The following COL21A1 variants were observed in gnomAD, a reference collection of about 807,000 sequenced individuals.
The protein encoded by COL21A1 is collagen alpha-1(XXI) chain.
Under a neutral mutation model 137.9 loss-of-function variants are expected in COL21A1, and 149 were observed. That is an observed-to-expected ratio of 1.08 (90% CI 0.95 to 1.24). The LOEUF (loss-of-function observed/expected upper bound fraction) is 1.24. Ranked by LOEUF, COL21A1 falls within the 50% of genes most tolerant of loss-of-function variation. COL21A1 has a pLI of 0.00. For missense variants in COL21A1, 1,167 were observed against 1,158.4 expected, an observed-to-expected ratio of 1.01 and a Z score of -0.11; for synonymous variants, 456 against 391.5, an observed-to-expected ratio of 1.16 and a Z score of -1.95.
chr6:56,341,146 A>C (rs926347624), intron 1 of COL21A1, among the ~76,000 whole-genome samples: 1 of 152,176 alleles, frequency 6.6e-6, no homozygotes, highest in Non-Finnish European at 1.5e-5. Flanking sequence ...CATGCTCCAG[A>C]AGAGAAGAGA....
intron 1 of COL21A1, among the ~76,000 whole-genome samples, chr6:56,306,368 C>T (rs1007719940): frequency 3.3e-5 from 5 of 151,684 alleles, no homozygotes; most frequent in African/African-American, 7.3e-5. Flanking sequence ...TCAGGTACAC[C>T]GATCAGACAT....
At chr6:56,274,788 A>G (rs1763604449) in intron 1 of COL21A1, among the ~76,000 whole-genome samples, 1 of 152,152 alleles carries the variant, frequency 6.6e-6, no homozygotes, top group Non-Finnish European at 1.5e-5. Flanking sequence ...TAAAATGGCC[A>G]TACTGTCCAA....
intron 1 of COL21A1, among the ~76,000 whole-genome samples, chr6:56,274,655 A>G (rs1225357479): frequency 2.6e-5 from 4 of 152,198 alleles, no homozygotes; most frequent in Admixed American, 2.6e-4. Context: ...CTAGGAATAC[A>G]GTTAACAATA....
rs545398127 is a variant in COL21A1 at position 56,148,153 on chromosome 6, A to G, written c.1435-6170T>C. ...ATATCTACTAACTATGCTAAAAATT[A>G]TATCAGCCTCTTAGGCAGCCACATT... is the stretch of plus-strand genomic sequence containing the variant. On this transcript the variant is annotated intron_variant, in intron 10 of 29. Transcript: ENST00000244728. 1.2e-3 allele frequency among the ~76,000 whole-genome samples: 187 copies of G among 152,248 alleles called. 2 individuals carry two copies. The highest frequency in any genetic ancestry group is 4.4e-4 in the Non-Finnish European group (30 of 68,010).
At chr6:56,159,356 G>A (rs529523667) in intron 9 of COL21A1, among the ~76,000 whole-genome samples, 21 of 137,348 alleles carry the variant, frequency 1.5e-4, no homozygotes, top group African/African-American at 5.4e-4. Flanking sequence ...TTTTTGAGAC[G>A]GAGTCTTGCT....
chr6:56,170,639 G>A lies in COL21A1; in HGVS notation c.1026+10C>T, dbSNP rs112946088. ...TATCATAATCATGGTATTATCCCAG[G>A]CATCTTTACCTTAACTTGAGGGTTA... On this transcript the variant is annotated intron_variant, in intron 5 of 29. Transcript: ENST00000244728. 1.2e-5 allele frequency: 18 copies of A among 1,556,696 alleles called. 1 individual carries two copies. The highest frequency in any genetic ancestry group is 3.4e-4 in the Middle Eastern group (2 of 5,856).
chr6:56,250,894 T>G (rs1286688422), upstream of COL21A1, among the ~76,000 whole-genome samples: 1 of 152,212 alleles, frequency 6.6e-6, no homozygotes, highest in Admixed American at 6.5e-5. Context: ...ATGTTTAAAT[T>G]TACAAACTAG....
At chr6:56,067,988 GA>G (rs1766409561) in intron 22 of COL21A1, among the ~76,000 whole-genome samples, 1 of 151,556 alleles carries the variant, frequency 6.6e-6, no homozygotes, top group African/African-American at 2.4e-5. Flanking sequence ...TCTAAACATA[GA>G]GTACAGTTTT....
At chr6:56,252,517 T>G (rs185453251), upstream of COL21A1, among the ~76,000 whole-genome samples, 645 of 152,226 alleles carry the variant, frequency 4.2e-3, 3 homozygotes, top group Non-Finnish European at 5.4e-3. Flanking sequence ...AAAATTAAGT[T>G]TTGAAAAAGA....
intron 1 of COL21A1, among the ~76,000 whole-genome samples, chr6:56,217,168 G>A (rs1006548357): frequency 6.6e-6 from 1 of 152,014 alleles, no homozygotes; most frequent in Admixed American, 6.6e-5. Flanking sequence ...AAAGTATATT[G>A]CTAGCTTTTT....
chr6:56,212,474 A>G (rs1292619224), intron 1 of COL21A1, among the ~76,000 whole-genome samples: 1 of 152,084 alleles, frequency 6.6e-6, no homozygotes, highest in African/African-American at 2.4e-5. Context: ...GAGAAATTCT[A>G]GTGTTAGACT....
At chr6:56,247,598 G>T (rs1197408563), upstream of COL21A1, 1 of 152,322 alleles carries the variant, frequency 6.6e-6, no homozygotes, top group Non-Finnish European at 1.5e-5. Context: ...TGGAGGCGGA[G>T]CCCGGGAGAT....
At chr6:56,198,527 T>G (rs1037265738) in intron 1 of COL21A1, among the ~76,000 whole-genome samples, 1 of 152,006 alleles carries the variant, frequency 6.6e-6, no homozygotes, top group African/African-American at 2.4e-5. Flanking sequence ...GGGGTAAAAT[T>G]GTTAAACCTC....
intron 1 of COL21A1, among the ~76,000 whole-genome samples, chr6:56,354,266 C>G (rs953369770): frequency 8.5e-5 from 13 of 152,148 alleles, no homozygotes; most frequent in African/African-American, 3.1e-4. Context: ...GGTAATAAAA[C>G]CTGTCTCTTG....
chr6:56,171,283 A>ATACAT (rs1777032153), intron 3 of COL21A1, among the ~76,000 whole-genome samples, 155 bp from the exon 4 acceptor site: 1 of 151,976 alleles, frequency 6.6e-6, no homozygotes, highest in Non-Finnish European at 1.5e-5. Flanking sequence ...ATGTATATGA[A>ATACAT]TACATTTTCT....
chr6:56,120,835 A>G (rs564579146), intron 16 of COL21A1, among the ~76,000 whole-genome samples: 2 of 151,916 alleles, frequency 1.3e-5, no homozygotes, highest in South Asian at 2.1e-4. Flanking sequence ...TGGAGCTACC[A>G]TATGATCCAG....
chr6:56,253,215 C>T (rs1782895280), intron 1 of COL21A1, among the ~76,000 whole-genome samples: 2 of 152,192 alleles, frequency 1.3e-5, no homozygotes, highest in Admixed American at 1.3e-4. Context: ...AGACCTTGGG[C>T]TGCTGTTTCC....
chr6:56,359,102 T>G (rs62412409), intron 1 of COL21A1, among the ~76,000 whole-genome samples: 4,823 of 152,308 alleles, frequency 0.032, 101 homozygotes, highest in Non-Finnish European at 0.052. Context: ...TATAATTTCA[T>G]TGTCTAAAAG....
intron 29 of COL21A1, 112 bp downstream of exon 29, chr6:56,059,053 A>G (rs1375125405): frequency 1.5e-5 from 12 of 778,796 alleles, no homozygotes; most frequent in Non-Finnish European, 2.2e-5. Flanking sequence ...AATGTGAATC[A>G]CTCAAAAAAG....
Sources: allele counts gnomAD v4.1 joint callset (sites outside exome capture counted in the v4.1 genomes callset), GRCh38; gene constraint gnomAD v4.1.1; transcripts MANE v1.5; gene names NCBI Gene and HGNC (gene_info 2026-07-23, HGNC 2026-07-21).